LAMA4: variants seen among roughly 807,000 people sequenced by gnomAD.
The protein encoded by LAMA4 is laminin subunit alpha 4.
LAMA4 carries 127 observed loss-of-function variants against 207.1 expected under a neutral mutation model. The observed-to-expected ratio is 0.61, with a 90% CI of 0.53 to 0.71. LAMA4 has a LOEUF of 0.71. Among genes scored for constraint, LAMA4 ranks in the 30% least tolerant of loss-of-function variants. The probability of loss-of-function intolerance (pLI) is 0.00; values close to 1 mark genes in which losing one functional copy is unlikely to be tolerated. For synonymous variants in LAMA4, 761 were observed against 816.0 expected (o/e 0.93, Z 1.15); for missense variants, 2,093 against 2,246.5 (o/e 0.93, Z 1.38).
chr6:112,153,686 T>C (rs1010953058), intron 16 of LAMA4, among the ~76,000 whole-genome samples: 9 of 152,104 alleles, frequency 5.9e-5, no homozygotes. Flanking sequence ...AAGCAATACA[T>C]AGATATAGCA....
rs2239849 is a variant in LAMA4 at position 112,207,280 on chromosome 6, A to G, written c.298-135T>C. Reference sequence around the variant, plus strand: ...CAGCACAGACTGTATGCGGCAGTACAGATTAGCATGAGGAGTCACACTGGC... The same window carrying G: ...CAGCACAGACTGTATGCGGCAGTACGGATTAGCATGAGGAGTCACACTGGC... On this transcript the variant is annotated intron_variant, in intron 3 of 38. Transcript: ENST00000230538. The G allele has an allele frequency of 0.26, 244,031 of 944,946 alleles. 42,565 individuals are homozygous for G. The highest frequency in any genetic ancestry group is 0.67 in the African/African-American group (41,147 of 61,554). 58.5% of individuals were successfully genotyped at this position (944,946 alleles called of 1,614,324 possible).
chr6:112,150,481 G>A lies in LAMA4; in HGVS notation c.2173+30C>T, dbSNP rs573278135. On this transcript the variant is annotated intron_variant, in intron 17 of 38. Coordinates refer to ENST00000230538, the MANE Select transcript of LAMA4 (RefSeq NM_001105206.3). ...TACCTTACACTCCAGTGAATCAACA[G>A]ATGAGACTTCAATTCTCTCTGATGC... 7.2e-5 allele frequency: 97 copies of A among 1,340,982 alleles called. 1 individual carries two copies. In the South Asian group the frequency reaches 9.7e-4, roughly 13 times the overall value. The allele number at this position is 1,340,982 out of a possible 1,614,324, so 83.1% of individuals were successfully genotyped here.
chr6:112,116,093 G>T, intron 35 of LAMA4, 100 bp from the exon 36 acceptor site: 3 of 1,226,362 alleles, frequency 2.4e-6, no homozygotes, highest in South Asian at 1.3e-5. Context: ...GTTTTTGAAA[G>T]TTTGATGCAT....
At chr6:112,214,942 A>G (rs760728540) in intron 3 of LAMA4, among the ~76,000 whole-genome samples, 2 of 152,202 alleles carry the variant, frequency 1.3e-5, no homozygotes, top group Non-Finnish European at 2.9e-5. Flanking sequence ...TCTTTAATTT[A>G]TCTCAGTCTT....
chr6:112,112,504 G>A (rs782702151), intron 38 of LAMA4, among the ~76,000 whole-genome samples: 4 of 152,204 alleles, frequency 2.6e-5, no homozygotes, highest in Non-Finnish European at 5.9e-5. Context: ...TGTGATTTCT[G>A]GAGGGAAGCA....
chr6:112,244,893 C>T (rs1465452389), intron 2 of LAMA4, among the ~76,000 whole-genome samples: 1 of 152,204 alleles, frequency 6.6e-6, no homozygotes, highest in Non-Finnish European at 1.5e-5. Context: ...GCAGGAGAAG[C>T]TTCAGGTCTC....
intron 19 of LAMA4, among the ~76,000 whole-genome samples, chr6:112,144,005 T>C (rs1450897227): frequency 6.6e-6 from 1 of 152,236 alleles, no homozygotes; most frequent in East Asian, 1.9e-4. Context: ...CTTCTTTCTG[T>C]CAGTAATTAG....
chr6:112,191,739 G>A lies in LAMA4; in HGVS notation c.615C>T (p.Val205=). The part of the protein sequence containing the change: ...PNLIFEDCDE[V]TGQCRNCLRN... Reference sequence around the variant, plus strand: ...GTAAGCAATTCCTACACTGGCCAGTGACTTCATCACAATCTTCAAAGATCA... The same window carrying A: ...GTAAGCAATTCCTACACTGGCCAGTAACTTCATCACAATCTTCAAAGATCA... The change falls in exon 6 of 39, where the codon GTC becomes GTT. Residue 205 remains valine (V), a synonymous_variant. Coordinates refer to ENST00000230538, the MANE Select transcript of LAMA4 (RefSeq NM_001105206.3). 6.2e-7 allele frequency: 1 copy of A among 1,614,024 alleles called. No homozygotes were observed. Among genetic ancestry groups the A allele is most frequent in the East Asian group, 2.2e-5 (1 of 44,854 alleles).
At chr6:112,198,149 G>T (rs1423735720) in intron 5 of LAMA4, among the ~76,000 whole-genome samples, 1 of 152,084 alleles carries the variant, frequency 6.6e-6, no homozygotes, top group Non-Finnish European at 1.5e-5. Flanking sequence ...AATCCGACGG[G>T]AAGTCAAAAT....
chr6:112,128,582 T>C (rs190944770), intron 31 of LAMA4, among the ~76,000 whole-genome samples: 13 of 152,320 alleles, frequency 8.5e-5, no homozygotes, highest in Admixed American at 7.9e-4. Flanking sequence ...GAGATGATTT[T>C]GAATGTTCCC....
At chr6:112,116,952 G>A (rs1778054446) in intron 35 of LAMA4, among the ~76,000 whole-genome samples, 1 of 152,144 alleles carries the variant, frequency 6.6e-6, no homozygotes, top group African/African-American at 2.4e-5. Flanking sequence ...TACTACCTCT[G>A]GGTGTTCTGC....
At chr6:112,136,901 T>C (rs1397330371) in intron 24 of LAMA4, among the ~76,000 whole-genome samples, 1 of 152,178 alleles carries the variant, frequency 6.6e-6, no homozygotes, top group African/African-American at 2.4e-5. Context: ...TCAACTGCCT[T>C]GTCTTTAGGA....
intron 2 of LAMA4, 101 bp from the exon 3 acceptor site, chr6:112,216,570 AC>A (rs1407645572): frequency 1.3e-6 from 1 of 786,650 alleles, no homozygotes; most frequent in Non-Finnish European, 2.2e-6. Flanking sequence ...AACAATCTAA[AC>A]ATTTCTAAAA....
Position 112,254,039 on chromosome 6 carries a change from C to A in LAMA4, c.112G>T (p.Gly38Trp). 1 of 1,599,312 alleles carries A rather than the reference C, an allele frequency of 6.3e-7. No individual in the cohort carries two copies. The highest frequency in any genetic ancestry group is 1.1e-5 in the South Asian group (1 of 89,050). ...DDNAFPFDIE[G>W]SSAVGRQDPP... ...TCTTGCCTGCCAACCGCTGAGCTCC[C>A]TTCAATGTCAAAAGGAAAAGCGTTG... Residue 38 changes from glycine to tryptophan, a missense_variant, in exon 2 of 39, where the codon GGG becomes TGG. Physicochemically the swap from Gly to Trp is radical, Grantham distance 184. This residue lies in a region of LAMA4 where 1,704 missense variants were observed against 1,788.4 expected (regional missense o/e 0.95). Transcript: ENST00000230538.
intron 16 of LAMA4, among the ~76,000 whole-genome samples, chr6:112,153,355 A>G (rs1780509737): frequency 1.3e-5 from 2 of 152,058 alleles, no homozygotes; most frequent in Non-Finnish European, 1.5e-5. Flanking sequence ...CACAGTACTA[A>G]CTCCCTGTTG....
At chr6:112,139,963 A>G in intron 22 of LAMA4, 78 bp from the exon 23 acceptor site, 1 of 1,446,462 alleles carries the variant, frequency 6.9e-7, no homozygotes, top group Non-Finnish European at 9.7e-7. Context: ...CAATGCAACT[A>G]ATAGTAGGTC....
chr6:112,234,743 C>T (rs781971901), intron 2 of LAMA4: 5 of 152,108 alleles, frequency 3.3e-5, no homozygotes, highest in Non-Finnish European at 7.4e-5. Flanking sequence ...TAACAGAATG[C>T]TTATTTCCAC....
intron 18 of LAMA4, 77 bp downstream of exon 18, chr6:112,148,080 T>C: frequency 7.0e-7 from 1 of 1,425,998 alleles, no homozygotes; most frequent in Non-Finnish European, 9.9e-7. Flanking sequence ...AAGAAAACTG[T>C]TTTTTGACAA....
chr6:112,218,603 G>C (rs1377915796), intron 2 of LAMA4: 1 of 152,222 alleles, frequency 6.6e-6, no homozygotes, highest in Non-Finnish European at 1.5e-5. Flanking sequence ...CAGTCCAGCA[G>C]CCAGTGCCTA....
Sources: allele counts gnomAD v4.1 joint callset (sites outside exome capture counted in the v4.1 genomes callset), GRCh38; gene constraint gnomAD v4.1.1; regional missense constraint gnomAD v4.1.1; transcripts MANE v1.5; gene names NCBI Gene and HGNC (gene_info 2026-07-23, HGNC 2026-07-21).